DOC2A: variants seen among roughly 807,000 people sequenced by gnomAD.
DOC2A encodes double C2 domain alpha.
DOC2A carries 28 observed loss-of-function variants against 40.6 expected under a neutral mutation model. The ratio of observed to expected loss-of-function variants is 0.69; its 90% CI spans 0.51 to 0.95. The LOEUF is 0.95. DOC2A is among the 40% of genes least tolerant of loss of function. The pLI is 0.00. For synonymous variants in DOC2A, 241 were observed against 236.9 expected, an observed-to-expected ratio of 1.02 and a Z score of -0.16; for missense variants, 474 against 552.5, an observed-to-expected ratio of 0.86 and a Z score of 1.42.
In DOC2A at chr16:30,005,553, C is replaced by A; in HGVS notation, c.*633G>T. ...TTATTGATGCCCAGCTGCCATGCTC[C>A]GGCCACTGACACAACCAGAAAAGGC... On this transcript the variant is annotated 3_prime_UTR_variant, in exon 11 of 11. Coordinates refer to ENST00000350119, the MANE Select transcript of DOC2A (RefSeq NM_003586.3). The A allele has an allele frequency of 2.9e-6, 3 of 1,033,236 alleles. No homozygotes were observed. The highest frequency in any genetic ancestry group is 4.3e-6 in the Non-Finnish European group (3 of 696,250). The allele number at this position is 1,033,236 out of a possible 1,614,324, so 64.0% of individuals were successfully genotyped here.
At position 30,006,166 on chromosome 16, in the gene DOC2A, G is replaced by A. The variant is rs1388686964; in HGVS notation, c.*20C>T. On this transcript the variant is annotated 3_prime_UTR_variant, in exon 11 of 11. Transcript: ENST00000350119. The surrounding 1 kb of genome is among the most constrained non-coding windows in gnomAD (Gnocchi z 6.2). ...ACTGGACCCGGCTCGATGGGCCTGT[G>A]CCGGGACACTGCTGTCCACTCAGGC... The A allele has an allele frequency of 6.4e-7, 1 of 1,565,510 alleles. No individual in the cohort carries two copies. Among genetic ancestry groups the A allele is most frequent in the East Asian group, 2.3e-5 (1 of 42,660 alleles).
At position 30,010,589 on chromosome 16, in the gene DOC2A, GC is replaced by G. The variant is rs1458552823; in HGVS notation, c.-14+313del. ...CCTGTCCCCCAAGGGGCCCTGCAGGGCCCCGCCTCTGTTTCTCGGAGGCTCT... is the reference window on the plus strand; with the variant it reads ...CCTGTCCCCCAAGGGGCCCTGCAGGGCCCGCCTCTGTTTCTCGGAGGCTCT... On this transcript the variant is annotated intron_variant, in intron 1 of 10. Transcript: ENST00000350119. This position sits in a 1 kb window ranked among gnomAD's most constrained non-coding sequence, Gnocchi z 4.2. 9.4e-6 allele frequency: 3 copies of G among 320,030 alleles called. No individual in the cohort carries two copies. The highest frequency in any genetic ancestry group is 1.8e-5 in the Non-Finnish European group (3 of 166,808). The allele number at this position is 320,030 out of a possible 1,614,324, so 19.8% of individuals were successfully genotyped here.
In DOC2A at chr16:30,005,919, G is replaced by A. The variant is rs947693360; in HGVS notation, c.*267C>T. 3 of 550,620 alleles carry A rather than the reference G, an allele frequency of 5.4e-6. No individual in the cohort carries two copies. In the African/African-American group the frequency reaches 5.7e-5, roughly 10 times the overall value. 34.1% of individuals were successfully genotyped at this position (550,620 alleles called of 1,614,324 possible). A position where few individuals can be genotyped will look rare whatever the true frequency, so the allele number is the denominator to read the frequency against. ...CAGGAGTGAGGAGCGCGGGGGCCTG[G>A]GGCCGGGCTCTGAGCACTGCCCGGG... On this transcript the variant is annotated 3_prime_UTR_variant, in exon 11 of 11. Transcript: ENST00000350119.
At position 30,009,419 on chromosome 16, in the gene DOC2A, G is replaced by T; in HGVS notation, c.342+59C>A. ...GGCCTGGGAAGGGAAGGAGGAATGG[G>T]CCCCCTCTGGGGGCTGCACGCAAAC... On this transcript the variant is annotated intron_variant, in intron 3 of 10. Coordinates refer to ENST00000350119, the MANE Select transcript of DOC2A (RefSeq NM_003586.3). The surrounding 1 kb of genome is among the most constrained non-coding windows in gnomAD (Gnocchi z 4.1). 1.3e-6 allele frequency: 2 copies of T among 1,524,562 alleles called. No homozygotes were observed. The highest frequency in any genetic ancestry group is 8.9e-7 in the Non-Finnish European group (1 of 1,123,642). 94.4% of individuals were successfully genotyped at this position (1,524,562 alleles called of 1,614,324 possible).
At chr16:30,016,063 T>A (rs1247514582), upstream of DOC2A, among the ~76,000 whole-genome samples, 21 of 86,006 alleles carry the variant, frequency 2.4e-4, no homozygotes, top group Admixed American at 4.0e-4. Context: ...ATATTTTTTT[T>A]TTTTTTTTTT....
At chr16:30,023,106 G>A (rs989865642), upstream of DOC2A, 4 of 432,420 alleles carry the variant, frequency 9.3e-6, no homozygotes, top group East Asian at 3.9e-5. Flanking sequence ...CAAGATGGCC[G>A]TGCCGCATCC....
chr16:30,010,237 T>G lies in DOC2A; in HGVS notation c.-13-2A>C. The G allele has an allele frequency of 1.2e-6, 2 of 1,613,214 alleles. No homozygotes were observed. Among genetic ancestry groups the G allele is most frequent in the Non-Finnish European group, 1.7e-6 (2 of 1,179,960 alleles). On this transcript the variant is annotated splice_acceptor_variant, in intron 1 of 10. Coordinates refer to ENST00000350119, the MANE Select transcript of DOC2A (RefSeq NM_003586.3). LOFTEE classifies it low-confidence loss of function (5UTR_SPLICE). This position sits in a 1 kb window ranked among gnomAD's most constrained non-coding sequence, Gnocchi z 4.2. ...CGGCCCCTCATGCAGCACCCCTGGCTAGGAGAGGGCGTGTGAGCCAGTGAG... is the reference window on the plus strand; with the variant it reads ...CGGCCCCTCATGCAGCACCCCTGGCGAGGAGAGGGCGTGTGAGCCAGTGAG...
upstream of DOC2A, chr16:30,013,717 TC>T (rs1448562971): frequency 6.6e-6 from 1 of 151,394 alleles, no homozygotes; most frequent in African/African-American, 2.4e-5. Context: ...ATTCTTTTTT[TC>T]TTTTTTTTTT....
Position 30,005,967 on chromosome 16 carries a change from C to T in DOC2A, c.*219G>A. 1.6e-6 allele frequency: 1 copy of T among 614,014 alleles called. No homozygotes were observed. Among genetic ancestry groups the T allele is most frequent in the Non-Finnish European group, 2.8e-6 (1 of 353,948 alleles). 38.0% of individuals were successfully genotyped at this position (614,014 alleles called of 1,614,324 possible). A position where few individuals can be genotyped will look rare whatever the true frequency, so the allele number is the denominator to read the frequency against. ...GGGTGTGCAGATGATGGGGGGTTTG[C>T]ATATTTGCAGGGACTAGCGAGTCAG... On this transcript the variant is annotated 3_prime_UTR_variant, in exon 11 of 11. Transcript: ENST00000350119.
Position 30,007,315 on chromosome 16 carries a change from A to AGT in DOC2A, c.528-18_528-17dup. 6.2e-7 allele frequency: 1 copy of AGT among 1,613,614 alleles called. No homozygotes were observed. Among genetic ancestry groups the AGT allele is most frequent in the Non-Finnish European group, 8.5e-7 (1 of 1,180,034 alleles). On this transcript the variant is annotated splice_polypyrimidine_tract_variant and intron_variant, in intron 5 of 10. Transcript: ENST00000350119. ...GACGGCGATCCTGGTCGGGAACTGC[A>AGT]GTGTCAGGGCCCCTGGGGTACCTGA...
At chr16:30,011,172 A>T (rs1355720302), upstream of DOC2A, 3 of 607,392 alleles carry the variant, frequency 4.9e-6, no homozygotes, top group Non-Finnish European at 6.2e-6. Flanking sequence ...GCGCGCACAC[A>T]CACGTGTGCT....
Position 30,009,609 on chromosome 16 carries a change from A to G in DOC2A, c.263-52T>C. 1 of 1,475,986 alleles carries G rather than the reference A, an allele frequency of 6.8e-7. No homozygotes were observed. The highest frequency in any genetic ancestry group is 9.2e-7 in the Non-Finnish European group (1 of 1,083,538). 91.4% of individuals were successfully genotyped at this position (1,475,986 alleles called of 1,614,324 possible). On this transcript the variant is annotated intron_variant, in intron 2 of 10. Coordinates refer to ENST00000350119, the MANE Select transcript of DOC2A (RefSeq NM_003586.3). The surrounding 1 kb of genome is among the most constrained non-coding windows in gnomAD (Gnocchi z 4.1). ...GTCGGTATGGAGACAGGTGTGTGCG[A>G]GAGGCCAGCAGGTGGGCACTGGCTC...
chr16:30,015,195 G>A (rs1167471825), upstream of DOC2A: 2 of 152,164 alleles, frequency 1.3e-5, no homozygotes, highest in African/African-American at 4.8e-5. Context: ...GGCAGGAAGA[G>A]GAAAGACTTA....
upstream of DOC2A, chr16:30,011,196 T>A (rs2045932538): frequency 1.5e-6 from 1 of 675,640 alleles, no homozygotes; most frequent in Non-Finnish European, 1.8e-6. Flanking sequence ...GCGCGCACAC[T>A]CACGCAGGGG....
At chr16:30,017,731 CG>C (rs2070868297) in intron 1 of DOC2A, among the ~76,000 whole-genome samples, 1 of 150,126 alleles carries the variant, frequency 6.7e-6, no homozygotes, top group Admixed American at 6.6e-5. Flanking sequence ...CCAAGGTGGG[CG>C]GATTGCTTGA....
upstream of DOC2A, chr16:30,013,432 A>C (rs1567286629): frequency 6.7e-6 from 1 of 148,874 alleles, no homozygotes; most frequent in African/African-American, 2.5e-5. Context: ...CGCCTGACTA[A>C]TTTTTTTGTA....
At position 30,009,346 on chromosome 16, in the gene DOC2A, A is replaced by T; in HGVS notation, c.343-70T>A. 1 of 1,508,598 alleles carries T rather than the reference A, an allele frequency of 6.6e-7. No individual in the cohort carries two copies. The highest frequency in any genetic ancestry group is 9.0e-7 in the Non-Finnish European group (1 of 1,109,368). 93.5% of individuals were successfully genotyped at this position (1,508,598 alleles called of 1,614,324 possible). On this transcript the variant is annotated intron_variant, in intron 3 of 10. Coordinates refer to ENST00000350119, the MANE Select transcript of DOC2A (RefSeq NM_003586.3). The surrounding 1 kb of genome is among the most constrained non-coding windows in gnomAD (Gnocchi z 4.1). ...CTCTCCATCCCTCTTGTAGAGCTGG[A>T]CCCTGGAGGAGCCCAGAAGGAGGGG...
Position 30,009,206 on chromosome 16 carries a change from C to T in DOC2A, c.413G>A (p.Cys138Tyr), listed in dbSNP as rs2070705928. The T allele has an allele frequency of 6.3e-7, 1 of 1,594,262 alleles. No homozygotes were observed. Among genetic ancestry groups the T allele is most frequent in the Non-Finnish European group, 8.6e-7 (1 of 1,169,258 alleles). The change falls in exon 4 of 11, where the codon TGT (cysteine) becomes TAT (tyrosine). Residue 138 changes from cysteine (C) to tyrosine (Y), a missense_variant. Physicochemically the swap from Cys to Tyr is radical, Grantham distance 194 (BLOSUM62 -2). Coordinates refer to ENST00000350119, the MANE Select transcript of DOC2A (RefSeq NM_003586.3). This position sits in a 1 kb window ranked among gnomAD's most constrained non-coding sequence, Gnocchi z 4.1. ...YVKLHLLPGACKANKLKTKTQ... is the reference protein window; with the variant it reads ...YVKLHLLPGAYKANKLKTKTQ... ...GGGGCGAGAGGAGGCTGTTACCTTA[C>T]AGGCTCCAGGCAGCAAGTGCAGCTT...
At chr16:30,007,392 A>AC in intron 5 of DOC2A, 93 bp from the exon 6 acceptor site, 1 of 1,567,464 alleles carries the variant, frequency 6.4e-7, no homozygotes. Context: ...CTCTGCCCTA[A>AC]ACACTACGTC....
Sources: gnomAD v4.1 joint callset for allele counts (sites outside exome capture counted in the v4.1 genomes callset) on GRCh38, gnomAD v4.1.1 for gene constraint, Gnocchi (gnomAD v3.1) non-coding constraint, MANE v1.5 for transcripts, NCBI Gene and HGNC (gene_info 2026-07-23, HGNC 2026-07-21) for gene names.